RNF220: variants seen among roughly 807,000 people sequenced by gnomAD.
The protein encoded by RNF220 is ring finger protein 220, also known as E3 ubiquitin-protein ligase RNF220.
In RNF220, 7 loss-of-function variants were observed where a neutral mutation model predicts 67.1. That is an observed-to-expected ratio of 0.10 (90% CI 0.06 to 0.20). RNF220 has a LOEUF of 0.20. Ranked by LOEUF, RNF220 falls within the 10% of genes least tolerant of loss-of-function variation. The probability of loss-of-function intolerance (pLI) is 1.00; values close to 1 mark genes in which losing one functional copy is unlikely to be tolerated. For missense variants in RNF220, 565 were observed against 740.3 expected, an observed-to-expected ratio of 0.76 and a Z score of 2.75; for synonymous variants, 270 against 283.2, an observed-to-expected ratio of 0.95 and a Z score of 0.47.
intron 2 of RNF220, among the ~76,000 whole-genome samples, chr1:44,569,758 G>T (rs1285557230): frequency 1.3e-5 from 2 of 152,216 alleles, no homozygotes; most frequent in African/African-American, 2.4e-5. Context: ...CAAGGAGGAA[G>T]GGAGAAGGAA....
intron 4 of RNF220, among the ~76,000 whole-genome samples, chr1:44,623,888 AG>A (rs1557449291): frequency 6.6e-6 from 1 of 152,202 alleles, no homozygotes; most frequent in Non-Finnish European, 1.5e-5. Flanking sequence ...AGACTGGAGA[AG>A]GGGCCCGTTG....
At chr1:44,501,713 G>A (rs912232404) in intron 2 of RNF220, among the ~76,000 whole-genome samples, 111 of 152,070 alleles carry the variant, frequency 7.3e-4, no homozygotes, top group African/African-American at 2.6e-3. Flanking sequence ...CAGCGGCGGC[G>A]GCAGAGCACT....
chr1:44,467,442 C>G (rs563314735), intron 2 of RNF220, among the ~76,000 whole-genome samples: 266 of 152,338 alleles, frequency 1.7e-3, no homozygotes, highest in African/African-American at 6.1e-3. Flanking sequence ...AACTCCCAGC[C>G]TCAGGTGATC....
At chr1:44,485,145 A>C (rs191788540) in intron 2 of RNF220, among the ~76,000 whole-genome samples, 2 of 152,328 alleles carry the variant, frequency 1.3e-5, no homozygotes, top group East Asian at 1.9e-4. Flanking sequence ...AAAAACAAAG[A>C]AAAGAAAAGA....
chr1:44,590,621 G>A (rs156650), intron 2 of RNF220, among the ~76,000 whole-genome samples: 26,046 of 152,190 alleles, frequency 0.17, 2,663 homozygotes, highest in Middle Eastern at 0.26. Context: ...TGTTCTTTCA[G>A]TCCAGCTCCA....
At chr1:44,626,471 T>C in intron 5 of RNF220, 73 bp downstream of exon 5, 2 of 1,161,520 alleles carry the variant, frequency 1.7e-6, no homozygotes, top group Non-Finnish European at 2.6e-6. Flanking sequence ...TGCCCGGTGC[T>C]AACTCCTCCT....
rs766050635 is a variant in RNF220 at position 44,412,855 on chromosome 1, A to G, written c.625+133A>G. 232 of 1,006,186 alleles carry G rather than the reference A, an allele frequency of 2.3e-4. No homozygotes were observed. The highest frequency in any genetic ancestry group is 2.9e-4 in the Non-Finnish European group (200 of 679,834). 62.3% of individuals were successfully genotyped at this position (1,006,186 alleles called of 1,614,324 possible). The stretch of plus-strand genomic sequence containing the variant: ...ACTACTTCCCTTTCACTAGCTGTGG[A>G]GTGCTAACCTTTGCTTGTCTCTTAT... On this transcript the variant is annotated intron_variant, in intron 2 of 14. Coordinates refer to ENST00000361799, the MANE Select transcript of RNF220 (RefSeq NM_018150.4). This position sits in a 1 kb window ranked among gnomAD's most constrained non-coding sequence, Gnocchi z 5.3.
At chr1:44,578,950 G>C (rs1665032075) in intron 2 of RNF220, among the ~76,000 whole-genome samples, 1 of 152,050 alleles carries the variant, frequency 6.6e-6, no homozygotes, top group Admixed American at 6.5e-5. Flanking sequence ...TGGATCACGA[G>C]GTCAGGAGAT....
intron 2 of RNF220, among the ~76,000 whole-genome samples, chr1:44,536,101 G>A (rs890025643): frequency 3.9e-5 from 6 of 152,096 alleles, no homozygotes; most frequent in South Asian, 4.1e-4. Context: ...TCCTGCATTC[G>A]CTGGTGATGA....
intron 2 of RNF220, among the ~76,000 whole-genome samples, chr1:44,477,249 A>C (rs1446488674): frequency 6.6e-6 from 1 of 152,242 alleles, no homozygotes; most frequent in African/African-American, 2.4e-5. Context: ...TGCATTGGTG[A>C]ATAAATGAAC....
At chr1:44,524,473 G>A (rs1238944039) in intron 2 of RNF220, among the ~76,000 whole-genome samples, 1 of 152,088 alleles carries the variant, frequency 6.6e-6, no homozygotes, top group Non-Finnish European at 1.5e-5. Flanking sequence ...ACCCAAACCC[G>A]GTTGCTGTGG....
At chr1:44,614,009 G>A (rs1420367381) in intron 2 of RNF220, among the ~76,000 whole-genome samples, 156 bp from the exon 3 acceptor site, 7 of 152,236 alleles carry the variant, frequency 4.6e-5, no homozygotes, top group African/African-American at 1.4e-4. Context: ...CTGCAAGGAG[G>A]AGGGGTGCTC....
At chr1:44,640,539 A>G (rs912953403) in intron 8 of RNF220, among the ~76,000 whole-genome samples, 2 of 152,248 alleles carry the variant, frequency 1.3e-5, no homozygotes, top group African/African-American at 4.8e-5. Flanking sequence ...GCAAGTATCA[A>G]TGGTTTTAAA....
rs150881311 is a variant in RNF220, at chr1:44,586,022, T to C, written c.626-28143T>C. ...TTCCTGCCTCCCACCTCCACCCCCA[T>C]TGCCCTGTGCTATTTGGGCTTTGCA... On this transcript the variant is annotated intron_variant, in intron 2 of 14. Coordinates refer to ENST00000361799, the MANE Select transcript of RNF220 (RefSeq NM_018150.4). 2.9e-3 allele frequency among the ~76,000 whole-genome samples: 435 copies of C among 152,288 alleles called. 3 individuals carry two copies. The highest frequency in any genetic ancestry group is 0.01 in the Middle Eastern group (3 of 294).
At chr1:44,625,026 TGAGAGAGAGA>T (rs71665956) in intron 4 of RNF220, among the ~76,000 whole-genome samples, 2,324 of 147,436 alleles carry the variant, frequency 0.016, 86 homozygotes, top group African/African-American at 0.055. Flanking sequence ...CTAGAGAGAA[TGAGAGAGAGA>T]GAGAGAGAGA....
intron 2 of RNF220, among the ~76,000 whole-genome samples, chr1:44,573,810 C>T (rs1341108665): frequency 2.0e-5 from 3 of 152,234 alleles, no homozygotes; most frequent in Non-Finnish European, 4.4e-5. Flanking sequence ...TATTTTCCCT[C>T]TGGTCATACT....
intron 2 of RNF220, among the ~76,000 whole-genome samples, chr1:44,465,432 A>G (rs1654185860): frequency 7.3e-6 from 1 of 136,388 alleles, no homozygotes; most frequent in African/African-American, 2.9e-5. Flanking sequence ...AGATAAATCC[A>G]TGTGCCATTT....
At position 44,645,049 on chromosome 1, in the gene RNF220, G is replaced by T; in HGVS notation, c.1278G>T (p.Lys426Asn). 6.2e-7 allele frequency: 1 copy of T among 1,614,144 alleles called. No homozygotes were observed. The highest frequency in any genetic ancestry group is 8.5e-7 in the Non-Finnish European group (1 of 1,180,016). ...PCTGEEPGEAKEREALRGAVL... is the reference protein window; with the variant it reads ...PCTGEEPGEANEREALRGAVL... ...CAGGCGAGGAGCCTGGTGAAGCCAA[G>T]GAGAGAGAGGCACTTCGGGGCGCAG... The change falls in exon 10 of 15, where the codon AAG (lysine) becomes AAT (asparagine). Residue 426 changes from lysine to asparagine, a missense_variant. Transcript: ENST00000361799. This position sits in a 1 kb window ranked among gnomAD's most constrained non-coding sequence, Gnocchi z 5.0.
intron 2 of RNF220, among the ~76,000 whole-genome samples, chr1:44,557,364 G>C (rs1293463243): frequency 2.1e-5 from 3 of 144,256 alleles, no homozygotes; most frequent in South Asian, 4.7e-4. Context: ...TGTCAAAAAG[G>C]AAAAAAGGAA....
Sources: gnomAD v4.1 joint callset for allele counts (sites outside exome capture counted in the v4.1 genomes callset) on GRCh38, gnomAD v4.1.1 for gene constraint, Gnocchi (gnomAD v3.1) non-coding constraint, MANE v1.5 for transcripts, NCBI Gene and HGNC (gene_info 2026-07-23, HGNC 2026-07-21) for gene names.